The following UVRAG variants were observed in gnomAD, a reference collection of about 807,000 sequenced individuals.
UVRAG encodes the protein UV radiation resistance-associated gene protein.
Under a neutral mutation model 78.0 loss-of-function variants are expected in UVRAG, and 19 were observed. The ratio of observed to expected loss-of-function variants is 0.24; its 90% CI spans 0.17 to 0.36. The LOEUF is 0.36. UVRAG is among the 10% of genes least tolerant of loss of function. UVRAG has a pLI of 1.00. For synonymous variants in UVRAG, 323 were observed against 324.6 expected (o/e 1.00, Z 0.05); for missense variants, 740 against 853.8 (o/e 0.87, Z 1.66).
At chr11:75,847,056 C>T (rs1054946481) in intron 1 of UVRAG, among the ~76,000 whole-genome samples, 3 of 151,838 alleles carry the variant, frequency 2.0e-5, no homozygotes, top group African/African-American at 7.3e-5. Context: ...AACTCCTGAC[C>T]TCAGGTGATC....
At chr11:75,953,433 A>G (rs928291733) in intron 6 of UVRAG, among the ~76,000 whole-genome samples, 14 of 152,316 alleles carry the variant, frequency 9.2e-5, no homozygotes, top group African/African-American at 3.4e-4. Flanking sequence ...ATTATAAGGT[A>G]TTGATTTGTT....
At chr11:75,961,791 ATAAT>A (rs1425584370) in intron 7 of UVRAG, among the ~76,000 whole-genome samples, 1 of 152,182 alleles carries the variant, frequency 6.6e-6, no homozygotes. Context: ...TACTTAGAAG[ATAAT>A]TAACAGGCAG....
intron 3 of UVRAG, among the ~76,000 whole-genome samples, chr11:75,871,286 T>C (rs1420827958): frequency 6.8e-6 from 1 of 147,584 alleles, no homozygotes; most frequent in African/African-American, 2.5e-5. Context: ...TATGCCCTTT[T>C]TTTTTTTTTT....
chr11:75,999,233 A>C (rs1458940802), intron 8 of UVRAG, among the ~76,000 whole-genome samples: 7 of 11,762 alleles, frequency 6.0e-4, no homozygotes, highest in Non-Finnish European at 1.5e-3. Flanking sequence ...ACTCTGCCTC[A>C]GAGAAAAAAA....
At chr11:76,127,242 T>G (rs943707798) in intron 14 of UVRAG, among the ~76,000 whole-genome samples, 1 of 152,202 alleles carries the variant, frequency 6.6e-6, no homozygotes, top group South Asian at 2.1e-4. Flanking sequence ...AAAATGCAAG[T>G]GATCACATTA....
intron 1 of UVRAG, among the ~76,000 whole-genome samples, 195 bp from the exon 2 acceptor site, chr11:75,851,679 CCTTGTAAAT>C (rs1343044325): frequency 2.6e-5 from 4 of 152,158 alleles, no homozygotes; most frequent in Non-Finnish European, 4.4e-5. Context: ...TCTCCAACCA[CCTTGTAAAT>C]GAGATAGGGC....
At position 75,822,170 on chromosome 11, in the gene UVRAG, C is replaced by T. The variant is rs186204867; in HGVS notation, c.117+6646C>T. 7.3e-3 allele frequency among the ~76,000 whole-genome samples: 1,103 copies of T among 152,130 alleles called. 15 individuals carry two copies. The highest frequency in any genetic ancestry group is 0.013 in the Non-Finnish European group (855 of 67,992). On this transcript the variant is annotated intron_variant, in intron 1 of 14. Coordinates refer to ENST00000356136, the MANE Select transcript of UVRAG (RefSeq NM_003369.4). ...TGTTGGCCAGGCTGGTCTTGAACTC[C>T]TGACCTCAGGTGATCCACCCACCTT...
At chr11:75,854,255 T>C (rs1946234843) in intron 2 of UVRAG, among the ~76,000 whole-genome samples, 1 of 152,214 alleles carries the variant, frequency 6.6e-6, no homozygotes, top group African/African-American at 2.4e-5. Context: ...GGTATGCAGG[T>C]TCCTTCTAGT....
intron 5 of UVRAG, among the ~76,000 whole-genome samples, chr11:75,909,309 C>T (rs1193745813): frequency 6.6e-6 from 1 of 151,842 alleles, no homozygotes; most frequent in Non-Finnish European, 1.5e-5. Context: ...TGGAGAAACC[C>T]CATCTCTACA....
At chr11:76,038,871 A>G (rs976527359) in intron 12 of UVRAG, among the ~76,000 whole-genome samples, 5 of 152,184 alleles carry the variant, frequency 3.3e-5, no homozygotes, top group African/African-American at 4.8e-5. Flanking sequence ...GCTCAGCCCT[A>G]CCACCACAAG....
intron 14 of UVRAG, among the ~76,000 whole-genome samples, chr11:76,117,676 CA>C (rs1352766814): frequency 6.6e-6 from 1 of 152,076 alleles, no homozygotes; most frequent in African/African-American, 2.4e-5. Flanking sequence ...ACTGGAGAGC[CA>C]TAGGCTTTCC....
chr11:75,871,282 C>CTTTTTTTTTT (rs769390519), intron 3 of UVRAG, among the ~76,000 whole-genome samples: 1 of 124,410 alleles, frequency 8.0e-6, no homozygotes, highest in Admixed American at 8.2e-5. Context: ...GGCATATGCC[C>CTTTTTTTTTT]TTTTTTTTTT....
At chr11:76,139,062 A>C (rs556507060) in intron 14 of UVRAG, among the ~76,000 whole-genome samples, 2 of 152,314 alleles carry the variant, frequency 1.3e-5, no homozygotes, top group South Asian at 4.1e-4. Context: ...CTACTTGCCT[A>C]GTTCTATATG....
At chr11:76,027,216 G>C (rs1241503315) in intron 12 of UVRAG, among the ~76,000 whole-genome samples, 1 of 152,104 alleles carries the variant, frequency 6.6e-6, no homozygotes, top group Admixed American at 6.5e-5. Context: ...GGAGATGGAA[G>C]AAGTATTTTT....
At chr11:76,070,698 A>G (rs1387084457) in intron 13 of UVRAG, among the ~76,000 whole-genome samples, 1 of 152,186 alleles carries the variant, frequency 6.6e-6, no homozygotes, top group Admixed American at 6.6e-5. Flanking sequence ...TAGAGCAATG[A>G]ATAAGATACA....
At chr11:75,855,605 G>C (rs1946271236) in intron 2 of UVRAG, among the ~76,000 whole-genome samples, 1 of 152,166 alleles carries the variant, frequency 6.6e-6, no homozygotes, top group Admixed American at 6.5e-5. Flanking sequence ...AATATTTGAT[G>C]ATCATTGTTT....
chr11:75,965,970 A>G (rs1219025692), intron 7 of UVRAG, among the ~76,000 whole-genome samples: 1 of 152,148 alleles, frequency 6.6e-6, no homozygotes. Context: ...TTGAGGAGAA[A>G]CAACTCATCA....
At chr11:76,082,955 C>T (rs1951525649) in intron 13 of UVRAG, among the ~76,000 whole-genome samples, 2 of 152,014 alleles carry the variant, frequency 1.3e-5, no homozygotes, top group African/African-American at 4.8e-5. Context: ...GATTGATTCC[C>T]AGGAGGTCAA....
intron 14 of UVRAG, among the ~76,000 whole-genome samples, chr11:76,123,239 A>G (rs567465932): frequency 6.6e-6 from 1 of 152,304 alleles, no homozygotes; most frequent in African/African-American, 2.4e-5. Context: ...GGAAAGATAC[A>G]CTGCGAAATC....
Sources: gnomAD v4.1 joint callset for allele counts (sites outside exome capture counted in the v4.1 genomes callset) on GRCh38, gnomAD v4.1.1 for gene constraint, MANE v1.5 for transcripts, NCBI Gene and HGNC (gene_info 2026-07-23, HGNC 2026-07-21) for gene names.